Variants in ZNF26 observed in about 807,000 individuals in gnomAD.
ZNF26 encodes the protein epididymis luminal protein 179.
ZNF26 carries 32 observed loss-of-function variants against 54.9 expected under a neutral mutation model. The ratio of observed to expected loss-of-function variants is 0.58; its 90% CI spans 0.44 to 0.78. The LOEUF is 0.78. ZNF26 is among the 30% of genes least tolerant of loss of function. The pLI is 0.00. For synonymous variants in ZNF26, 221 were observed against 209.2 expected, an observed-to-expected ratio of 1.06 and a Z score of -0.49; for missense variants, 524 against 634.0, an observed-to-expected ratio of 0.83 and a Z score of 1.86.
At chr12:132,991,630 C>CA (rs1296804934) in intron 1 of ZNF26, among the ~76,000 whole-genome samples, 2 of 68,132 alleles carry the variant, frequency 2.9e-5, no homozygotes, top group African/African-American at 6.5e-5. Flanking sequence ...ACAACAACAA[C>CA]AAAAAAAAAA....
chr12:132,991,634 A>C (rs1952960237), intron 1 of ZNF26, among the ~76,000 whole-genome samples: 2 of 97,738 alleles, frequency 2.0e-5, no homozygotes, highest in African/African-American at 3.6e-5. Flanking sequence ...CAACAACAAA[A>C]AAAAAAAAAA....
At chr12:132,991,058 T>A (rs938761967) in intron 1 of ZNF26, among the ~76,000 whole-genome samples, 1 of 151,146 alleles carries the variant, frequency 6.6e-6, no homozygotes, top group Non-Finnish European at 1.5e-5. Context: ...AGGGTTTCAC[T>A]ATGTTGGCCA....
chr12:132,993,370 A>G (rs1953005259), intron 1 of ZNF26, among the ~76,000 whole-genome samples: 1 of 151,828 alleles, frequency 6.6e-6, no homozygotes, highest in African/African-American at 2.4e-5. Context: ...ACTAGAGCCC[A>G]TAACATATTA....
intron 1 of ZNF26, among the ~76,000 whole-genome samples, chr12:132,989,147 C>T (rs1952893858): frequency 6.7e-6 from 1 of 149,688 alleles, no homozygotes; most frequent in Non-Finnish European, 1.5e-5. Flanking sequence ...AGCGATTCTC[C>T]TGCCTGAGCC....
In ZNF26 at chr12:133,022,444, C is replaced by A. The variant is rs1358809587; in HGVS notation, c.*10963C>A. The A allele has an allele frequency of 1.3e-5, 2 of 149,194 alleles. No individual in the cohort carries two copies. Among genetic ancestry groups the A allele is most frequent in the Admixed American group, 6.8e-5 (1 of 14,606 alleles). 9.2% of individuals were successfully genotyped at this position (149,194 alleles called of 1,614,324 possible). A position where few individuals can be genotyped will look rare whatever the true frequency, so the allele number is the denominator to read the frequency against. Reference sequence around the variant, plus strand: ...GTGGTTGTTGATACATGAACCTACACTGGTGATAACATTGAACAGAACTTA... The same window carrying A: ...GTGGTTGTTGATACATGAACCTACAATGGTGATAACATTGAACAGAACTTA... On this transcript the variant is annotated 3_prime_UTR_variant, in exon 4 of 4. Coordinates refer to ENST00000328654, the MANE Select transcript of ZNF26 (RefSeq NM_019591.4).
chr12:132,989,213 A>AT (rs1952895284), intron 1 of ZNF26, among the ~76,000 whole-genome samples: 1 of 151,304 alleles, frequency 6.6e-6, no homozygotes, highest in Non-Finnish European at 1.5e-5. Flanking sequence ...ATTTTTTTGT[A>AT]TTTTTAGTAG....
intron 1 of ZNF26, among the ~76,000 whole-genome samples, chr12:132,989,369 C>T (rs1262356383): frequency 6.6e-6 from 1 of 152,114 alleles, no homozygotes; most frequent in African/African-American, 2.4e-5. Flanking sequence ...ACAATTATGC[C>T]ATCTGTGAAC....
chr12:132,993,447 C>T (rs1268824475), intron 1 of ZNF26, among the ~76,000 whole-genome samples: 1 of 151,740 alleles, frequency 6.6e-6, no homozygotes, highest in Non-Finnish European at 1.5e-5. Flanking sequence ...CTGATGCTTG[C>T]CCTGTCTGTG....
chr12:132,995,841 G>T (rs1005101353), intron 1 of ZNF26, among the ~76,000 whole-genome samples: 1 of 152,056 alleles, frequency 6.6e-6, no homozygotes, highest in Non-Finnish European at 1.5e-5. Context: ...TAGTAGAGAC[G>T]GGATTTCACC....
At chr12:132,988,056 T>A (rs1471836432) in intron 1 of ZNF26, among the ~76,000 whole-genome samples, 5 of 152,256 alleles carry the variant, frequency 3.3e-5, no homozygotes, top group East Asian at 1.9e-4. Flanking sequence ...TCGCCCAGGC[T>A]GGAGTGCAGT....
chr12:133,026,130 C>G lies in ZNF26; in HGVS notation c.*14649C>G, dbSNP rs1193403626. On this transcript the variant is annotated 3_prime_UTR_variant, in exon 4 of 4. Coordinates refer to ENST00000328654, the MANE Select transcript of ZNF26 (RefSeq NM_019591.4). ...CACTTTTTTTTTTTTTTGAGATGCA[C>G]TCTCACTCTTTCCCAGGCTGGAGTG... The G allele has an allele frequency of 1.3e-5, 2 of 150,858 alleles. No homozygotes were observed. The highest frequency in any genetic ancestry group is 1.3e-4 in the Admixed American group (2 of 15,136). The allele number at this position is 150,858 out of a possible 1,614,324, so 9.3% of individuals were successfully genotyped here.
rs1382471446 is a variant in ZNF26 at position 133,025,861 on chromosome 12, T to A, written c.*14380T>A. The A allele has an allele frequency of 6.6e-6, 1 of 152,206 alleles. No homozygotes were observed. Among genetic ancestry groups the A allele is most frequent in the African/African-American group, 2.4e-5 (1 of 41,454 alleles). The allele number at this position is 152,206 out of a possible 1,614,324, so 9.4% of individuals were successfully genotyped here. ...GTCATAAAAGGTGATGCAGCTTCCA[T>A]CTTGTCACTGGAATTCACACTCTTG... is the stretch of plus-strand genomic sequence containing the variant. On this transcript the variant is annotated 3_prime_UTR_variant, in exon 4 of 4. Coordinates refer to ENST00000328654, the MANE Select transcript of ZNF26 (RefSeq NM_019591.4).
intron 1 of ZNF26, among the ~76,000 whole-genome samples, chr12:132,998,461 G>A (rs1374165925): frequency 2.6e-5 from 4 of 152,128 alleles, no homozygotes; most frequent in Admixed American, 6.5e-5. Context: ...CACTGCTCTC[G>A]GCCTTGCTGG....
At position 133,010,392 on chromosome 12, in the gene ZNF26, A is replaced by G. The variant is rs1953444207; in HGVS notation, c.513A>G (p.Glu171=). The part of the protein sequence containing the change: ...FLKHQRAHSI[E]KNCVCSECGK... Reference sequence around the variant, plus strand: ...AGCATCAAAGAGCTCATAGCATAGAAAAAAACTGTGTGTGTAGTGAATGTG... The same window carrying G: ...AGCATCAAAGAGCTCATAGCATAGAGAAAAACTGTGTGTGTAGTGAATGTG... Residue 171 remains glutamate, a synonymous_variant, in exon 4 of 4, where the codon GAA becomes GAG. Transcript: ENST00000328654. 1 of 1,614,200 alleles carries G rather than the reference A, an allele frequency of 6.2e-7. No homozygotes were observed. The highest frequency in any genetic ancestry group is 8.5e-7 in the Non-Finnish European group (1 of 1,180,030).
chr12:133,001,563 C>G lies in ZNF26; in HGVS notation c.34-5479C>G, dbSNP rs1304638135. 1.1e-6 allele frequency: 1 copy of G among 884,818 alleles called. No individual in the cohort carries two copies. Among genetic ancestry groups the G allele is most frequent in the Non-Finnish European group, 1.6e-6 (1 of 626,996 alleles). 54.8% of individuals were successfully genotyped at this position (884,818 alleles called of 1,614,324 possible). On this transcript the variant is annotated intron_variant, in intron 1 of 3. Transcript: ENST00000328654. This position sits in a 1 kb window ranked among gnomAD's most constrained non-coding sequence, Gnocchi z 4.7. ...AGTTCCATGGTGTATGTGATTCTTT[C>G]TCTCACTGCATGCAGACTCACCCAG...
Position 133,007,085 on chromosome 12 carries a change from A to T in ZNF26, c.77A>T (p.Asp26Val). 2 of 1,614,060 alleles carry T rather than the reference A, an allele frequency of 1.2e-6. No individual in the cohort carries two copies. The change falls in exon 2 of 4, where the codon GAT becomes GTT. Residue 26 changes from aspartate (D) to valine (V), a missense_variant. Physicochemically the swap from Asp to Val is radical, Grantham distance 152. Coordinates refer to ENST00000328654, the MANE Select transcript of ZNF26 (RefSeq NM_019591.4). ...FKDISMEFTW[D>V]EWQLLDSTQK... ...GATATATCTATGGAGTTCACCTGGG[A>T]TGAATGGCAGCTACTGGATTCTACA...
chr12:132,989,028 A>ATTTTTTTTTTTTTTTTT (rs150395603), intron 1 of ZNF26, among the ~76,000 whole-genome samples: 1 of 78,826 alleles, frequency 1.3e-5, no homozygotes, highest in African/African-American at 5.0e-5. Flanking sequence ...CTTTCGGTGA[A>ATTTTTTTTTTTTTTTTT]TTTTTTTTTT....
chr12:133,008,014 C>T (rs930341531), intron 3 of ZNF26, among the ~76,000 whole-genome samples: 5 of 152,060 alleles, frequency 3.3e-5, no homozygotes, highest in South Asian at 4.1e-4. Flanking sequence ...TTCCCTTTTG[C>T]GTTGTCCAGA....
chr12:133,009,046 A>G (rs1953408789), intron 3 of ZNF26, among the ~76,000 whole-genome samples: 1 of 152,170 alleles, frequency 6.6e-6, no homozygotes. Context: ...GCACCAAGCC[A>G]TGAGGGATCT....
Sources: allele counts gnomAD v4.1 joint callset (sites outside exome capture counted in the v4.1 genomes callset), GRCh38; gene constraint gnomAD v4.1.1; non-coding constraint Gnocchi (gnomAD v3.1); transcripts MANE v1.5; gene names NCBI Gene and HGNC (gene_info 2026-07-23, HGNC 2026-07-21).